The following CALCR variants were observed in gnomAD, a reference collection of about 807,000 sequenced individuals.
The protein encoded by CALCR is calcitonin receptor.
Under a neutral mutation model 59.5 loss-of-function variants are expected in CALCR, and 47 were observed. The observed-to-expected ratio is 0.79, with a 90% CI of 0.63 to 1.01. The LOEUF (loss-of-function observed/expected upper bound fraction) is 1.01. Among genes scored for constraint, CALCR ranks in the 50% least tolerant of loss-of-function variants. The pLI is 0.00. For missense variants in CALCR, 566 were observed against 597.1 expected (o/e 0.95, Z 0.54); for synonymous variants, 213 against 211.3 (o/e 1.01, Z -0.07).
chr7:93,506,786 T>C (rs1024204138), intron 2 of CALCR, among the ~76,000 whole-genome samples: 1 of 152,134 alleles, frequency 6.6e-6, no homozygotes, highest in African/African-American at 2.4e-5. Flanking sequence ...TTTGACTGTG[T>C]CCCCACCCAA....
Position 93,425,256 on chromosome 7 carries a change from A to T in CALCR, c.*1100T>A, listed in dbSNP as rs959994302. 3 of 152,600 alleles carry T rather than the reference A, an allele frequency of 2.0e-5. No homozygotes were observed. Among genetic ancestry groups the T allele is most frequent in the Admixed American group, 6.5e-5 (1 of 15,280 alleles). 9.5% of individuals were successfully genotyped at this position (152,600 alleles called of 1,614,324 possible). A position where few individuals can be genotyped will look rare whatever the true frequency, so the allele number is the denominator to read the frequency against. On this transcript the variant is annotated 3_prime_UTR_variant, in exon 14 of 14. Coordinates refer to ENST00000426151, the MANE Select transcript of CALCR (RefSeq NM_001742.4). ...AATTTTTTCCCCTCCTGTTTTGGTA[A>T]TAACAAGAAACAAGCGGTCAACCAC... is the stretch of plus-strand genomic sequence containing the variant.
chr7:93,556,532 C>T (rs1310430672), intron 2 of CALCR, among the ~76,000 whole-genome samples: 1 of 151,828 alleles, frequency 6.6e-6, no homozygotes, highest in Non-Finnish European at 1.5e-5. Flanking sequence ...TCCCTCATAC[C>T]CATTCTACTT....
chr7:93,560,002 G>GA (rs1176042110), intron 2 of CALCR, among the ~76,000 whole-genome samples: 1 of 152,056 alleles, frequency 6.6e-6, no homozygotes, highest in Non-Finnish European at 1.5e-5. Flanking sequence ...ACTTGTCTCT[G>GA]AATATATTAG....
At chr7:93,564,579 A>G (rs1437373715) in intron 2 of CALCR, among the ~76,000 whole-genome samples, 1 of 152,040 alleles carries the variant, frequency 6.6e-6, no homozygotes, top group African/African-American at 2.4e-5. Context: ...CAGCCTCCCA[A>G]GTAGCTGGGA....
chr7:93,442,679 A>T (rs1799932382), intron 9 of CALCR, among the ~76,000 whole-genome samples: 1 of 152,100 alleles, frequency 6.6e-6, no homozygotes, highest in Admixed American at 6.6e-5. Context: ...ATTAAAGGGC[A>T]AGCTTAGTTG....
chr7:93,440,414 A>G (rs1325218279), intron 9 of CALCR, among the ~76,000 whole-genome samples: 2 of 152,098 alleles, frequency 1.3e-5, no homozygotes, highest in African/African-American at 4.8e-5. Context: ...CCATCCAAAG[A>G]TAATGCTTGC....
rs992795589 is a variant in CALCR at position 93,438,279 on chromosome 7, G to A, written c.803-9C>T. On this transcript the variant is annotated splice_polypyrimidine_tract_variant and intron_variant, in intron 9 of 13. Transcript: ENST00000426151. ...TGGCACCAGCGGGAACCCTACAAATGTGAAAAGTACAAATCACACTTGGTT... is the reference window on the plus strand; with the variant it reads ...TGGCACCAGCGGGAACCCTACAAATATGAAAAGTACAAATCACACTTGGTT... 5 of 1,606,892 alleles carry A rather than the reference G, an allele frequency of 3.1e-6. No homozygotes were observed. Among genetic ancestry groups the A allele is most frequent in the Non-Finnish European group, 3.4e-6 (4 of 1,173,558 alleles).
At chr7:93,495,002 G>T (rs1375276741) in intron 2 of CALCR, among the ~76,000 whole-genome samples, 1 of 151,346 alleles carries the variant, frequency 6.6e-6, no homozygotes, top group Non-Finnish European at 1.5e-5. Flanking sequence ...TCTAGAGACT[G>T]ATTAGTGTAG....
intron 7 of CALCR, among the ~76,000 whole-genome samples, chr7:93,465,660 T>C (rs1562984670): frequency 1.3e-5 from 2 of 151,932 alleles, no homozygotes; most frequent in Admixed American, 1.3e-4. Flanking sequence ...CTAGGAAGAA[T>C]GCATAGAAGA....
chr7:93,434,389 G>GAA lies in CALCR; in HGVS notation c.1150-97_1150-96dup, dbSNP rs200558502. On this transcript the variant is annotated intron_variant, in intron 12 of 13. Transcript: ENST00000426151. ...ATAGACTGCCCAGAGAAGGCCTGAT[G>GAA]AAAAAAAAAAAAAGCAAGAAAAAGA... 75,131 of 502,452 alleles carry GAA rather than the reference G, an allele frequency of 0.15. 2,348 individuals are homozygous for GAA. Among genetic ancestry groups the GAA allele is most frequent in the East Asian group, 0.3 (9,084 of 30,260 alleles). 31.1% of individuals were successfully genotyped at this position (502,452 alleles called of 1,614,324 possible). A position where few individuals can be genotyped will look rare whatever the true frequency, so the allele number is the denominator to read the frequency against.
At chr7:93,442,179 G>A (rs1364467196) in intron 9 of CALCR, among the ~76,000 whole-genome samples, 4 of 152,128 alleles carry the variant, frequency 2.6e-5, no homozygotes, top group African/African-American at 9.7e-5. Context: ...CCAGGCTACA[G>A]CCCTTTTAGT....
chr7:93,533,108 ATACTC>A (rs1788890410), intron 2 of CALCR, among the ~76,000 whole-genome samples: 2 of 151,924 alleles, frequency 1.3e-5, no homozygotes, highest in Admixed American at 6.6e-5. Flanking sequence ...AAATTGAAAA[ATACTC>A]TAATAACATA....
chr7:93,497,607 A>C (rs1372268453), intron 2 of CALCR, among the ~76,000 whole-genome samples: 1 of 151,522 alleles, frequency 6.6e-6, no homozygotes, highest in Admixed American at 6.6e-5. Context: ...CCAACCACCA[A>C]GCTATTTCTG....
chr7:93,497,832 A>G (rs969880612), intron 2 of CALCR, among the ~76,000 whole-genome samples: 2 of 151,566 alleles, frequency 1.3e-5, no homozygotes, highest in South Asian at 4.1e-4. Flanking sequence ...TTTTAAGCAC[A>G]TAGATGATGT....
At chr7:93,465,088 T>C (rs1374979034) in intron 7 of CALCR, among the ~76,000 whole-genome samples, 1 of 151,998 alleles carries the variant, frequency 6.6e-6, no homozygotes, top group African/African-American at 2.4e-5. Context: ...GCAAGAATAA[T>C]ATTTAAAATA....
chr7:93,525,682 ACAGT>A (rs1801861804), intron 2 of CALCR, among the ~76,000 whole-genome samples: 1 of 152,216 alleles, frequency 6.6e-6, no homozygotes, highest in Non-Finnish European at 1.5e-5. Flanking sequence ...TAAAAGTTTA[ACAGT>A]CAGTTAGAAA....
At chr7:93,562,120 C>CTTA (rs61692013) in intron 2 of CALCR, among the ~76,000 whole-genome samples, 102,609 of 150,934 alleles carry the variant, frequency 0.68, 36,057 homozygotes, top group African/African-American at 0.87. Flanking sequence ...TTAAATTTAA[C>CTTA]TTAACACTAT....
chr7:93,430,226 C>T (rs377644527), intron 13 of CALCR, among the ~76,000 whole-genome samples: 1 of 152,128 alleles, frequency 6.6e-6, no homozygotes, highest in Non-Finnish European at 1.5e-5. Context: ...TGAGCCACCA[C>T]GCCTGGCCTA....
intron 8 of CALCR, among the ~76,000 whole-genome samples, chr7:93,459,324 C>A (rs957475674): frequency 6.6e-6 from 1 of 152,170 alleles, no homozygotes. Context: ...AATTTGAGTG[C>A]CTGCTCCCCG....
Sources: allele counts gnomAD v4.1 joint callset (sites outside exome capture counted in the v4.1 genomes callset), GRCh38; gene constraint gnomAD v4.1.1; transcripts MANE v1.5; gene names NCBI Gene and HGNC (gene_info 2026-07-23, HGNC 2026-07-21).